PRR16: variants seen among roughly 807,000 people sequenced by gnomAD.
PRR16 encodes the protein protein Largen.
A neutral mutation model predicts 18.2 loss-of-function variants in PRR16; 6 were observed. The ratio of observed to expected loss-of-function variants is 0.33; its 90% CI spans 0.18 to 0.65. The LOEUF (loss-of-function observed/expected upper bound fraction) is 0.65, where lower values mean the gene tolerates loss of function less well. Among genes scored for constraint, PRR16 ranks in the 30% least tolerant of loss-of-function variants. The pLI is 0.74. For synonymous variants in PRR16, 151 were observed against 147.8 expected, an observed-to-expected ratio of 1.02 and a Z score of -0.16; for missense variants, 412 against 376.6, an observed-to-expected ratio of 1.09 and a Z score of -0.78.
intron 1 of PRR16, among the ~76,000 whole-genome samples, chr5:120,617,422 G>A (rs1243942445): frequency 6.6e-6 from 1 of 152,094 alleles, no homozygotes; most frequent in Admixed American, 6.6e-5. Context: ...TTCAGTCTGT[G>A]TTTTATGTTT....
rs993492518 is a variant in PRR16, at chr5:120,674,945, AC to A, written c.160-11008del. On this transcript the variant is annotated intron_variant, in intron 1 of 1. Transcript: ENST00000407149. ...ATTTTTTTATTTTATTGCTTTTTTT[AC>A]GTATGTGTTATTATTTTATAACTGC... Among the ~76,000 whole-genome samples, 5 of 151,632 alleles carry A rather than the reference AC, an allele frequency of 3.3e-5. No individual in the cohort carries two copies. The East Asian group carries it at 5.8e-4, about 18-fold the overall frequency.
intron 1 of PRR16, among the ~76,000 whole-genome samples, chr5:120,518,143 A>C (rs1443448885): frequency 6.6e-6 from 1 of 152,156 alleles, no homozygotes. Context: ...ATCTAGAAAG[A>C]GAGTGACAGT....
chr5:120,506,647 C>G (rs942715643), intron 1 of PRR16, among the ~76,000 whole-genome samples: 1 of 152,094 alleles, frequency 6.6e-6, no homozygotes, highest in Non-Finnish European at 1.5e-5. Context: ...AACAGGTCCA[C>G]AGTGTTATCA....
At chr5:120,794,013 G>C in the PRR16 span, among the ~76,000 whole-genome samples, 1 of 152,116 alleles carries the variant, frequency 6.6e-6, no homozygotes, top group Non-Finnish European at 1.5e-5. Flanking sequence ...CTTGTTAATA[G>C]AATGTGGTTA....
the PRR16 span, chr5:120,781,287 T>G: frequency 2.0e-5 from 3 of 151,948 alleles, no homozygotes; most frequent in Non-Finnish European, 4.4e-5. Context: ...AACATACAAA[T>G]TTTTAAAATA....
intron 1 of PRR16, among the ~76,000 whole-genome samples, chr5:120,605,536 G>C (rs1754125881): frequency 6.6e-6 from 1 of 152,048 alleles, no homozygotes; most frequent in African/African-American, 2.4e-5. Flanking sequence ...ATTTCCATCT[G>C]GTTAAGAATC....
chr5:120,685,964 A>G lies in PRR16; in HGVS notation c.170A>G (p.Gln57Arg). The change falls in exon 2 of 2, where the codon CAG (glutamine) becomes CGG (arginine). Residue 57 changes from glutamine to arginine, a missense_variant. Physicochemically the swap from Gln to Arg is conservative, Grantham distance 43 (BLOSUM62 1). Transcript: ENST00000407149. ...VAKELKEVVD[Q>R]IDTLTSDLQL... ...TGTCCTTTCCACTAGGTGGTTGACCAGATTGACACCCTGACCTCTGACCTA... is the reference window on the plus strand; with the variant it reads ...TGTCCTTTCCACTAGGTGGTTGACCGGATTGACACCCTGACCTCTGACCTA... 1 of 1,612,636 alleles carries G rather than the reference A, an allele frequency of 6.2e-7. No individual in the cohort carries two copies. Among genetic ancestry groups the G allele is most frequent in the South Asian group, 1.1e-5 (1 of 90,982 alleles).
chr5:120,727,823 TTAC>T, the PRR16 span, among the ~76,000 whole-genome samples: 2 of 152,014 alleles, frequency 1.3e-5, no homozygotes, highest in Non-Finnish European at 2.9e-5. Context: ...ATAAGAAAGT[TTAC>T]TAGTAGAGCT....
the PRR16 span, among the ~76,000 whole-genome samples, chr5:120,758,937 A>G: frequency 1.4e-5 from 2 of 145,114 alleles, no homozygotes; most frequent in Non-Finnish European, 3.0e-5. Flanking sequence ...AATTGCAGTT[A>G]TTGAAGAGTT....
rs1754410930 is a variant in PRR16 at position 120,613,734 on chromosome 5, A to T, written c.160-72220A>T. On this transcript the variant is annotated intron_variant, in intron 1 of 1. Coordinates refer to ENST00000407149, the MANE Select transcript of PRR16 (RefSeq NM_001300783.2). The stretch of plus-strand genomic sequence containing the variant: ...TTTAAGGCACTAACACATCGTTTAG[A>T]TGATGGCCACTAATAATGAGACTGA... 3.3e-5 allele frequency among the ~76,000 whole-genome samples: 5 copies of T among 152,290 alleles called. 1 individual carries two copies. The South Asian group carries it at 1.0e-3, about 32-fold the overall frequency.
intron 1 of PRR16, among the ~76,000 whole-genome samples, chr5:120,528,759 G>C (rs1751452469): frequency 6.6e-6 from 1 of 152,174 alleles, no homozygotes; most frequent in South Asian, 2.1e-4. Flanking sequence ...GAGGCAGGCT[G>C]AGGCAGCTGT....
intron 1 of PRR16, among the ~76,000 whole-genome samples, chr5:120,639,292 C>G (rs1489096404): frequency 6.6e-6 from 1 of 151,866 alleles, no homozygotes; most frequent in Non-Finnish European, 1.5e-5. Flanking sequence ...AAATTATAGT[C>G]AACTTTAAGA....
In PRR16 at chr5:120,584,624, G is replaced by A. The variant is rs150891079; in HGVS notation, c.160-101330G>A. Among the ~76,000 whole-genome samples the A allele has an allele frequency of 8.7e-4, 133 of 152,276 alleles. No homozygotes were observed. The East Asian group carries it at 0.024, about 28-fold the overall frequency. On this transcript the variant is annotated intron_variant, in intron 1 of 1. Coordinates refer to ENST00000407149, the MANE Select transcript of PRR16 (RefSeq NM_001300783.2). ...TCATTTTTTTAGATAGGCACAGAGA[G>A]TAGATTATCTGCATTTTATAATGGA...
At chr5:120,613,812 C>G (rs968191676) in intron 1 of PRR16, among the ~76,000 whole-genome samples, 52 of 152,242 alleles carry the variant, frequency 3.4e-4, no homozygotes, top group African/African-American at 1.2e-3. Context: ...TTTAAGAAAT[C>G]TGGACTGAGA....
the PRR16 span, among the ~76,000 whole-genome samples, chr5:120,787,249 CAA>C: frequency 8.6e-5 from 13 of 151,834 alleles, no homozygotes; most frequent in East Asian, 2.5e-3. Context: ...TTATAACTAA[CAA>C]TAATGGAAGT....
intron 1 of PRR16, among the ~76,000 whole-genome samples, chr5:120,664,450 G>GT (rs1160038905): frequency 1.8e-3 from 56 of 31,200 alleles, no homozygotes; most frequent in East Asian, 9.8e-3. Flanking sequence ...GAGAAAAAAT[G>GT]TTTTTGTTTT....
intron 1 of PRR16, among the ~76,000 whole-genome samples, chr5:120,639,568 A>C (rs1755353809): frequency 6.6e-6 from 1 of 151,990 alleles, no homozygotes; most frequent in South Asian, 2.1e-4. Flanking sequence ...GCATCTATGG[A>C]GAAATGCAGA....
intron 1 of PRR16, among the ~76,000 whole-genome samples, chr5:120,629,260 C>T (rs1022179422): frequency 6.6e-6 from 1 of 151,534 alleles, no homozygotes; most frequent in South Asian, 2.1e-4. Flanking sequence ...GTATATATAC[C>T]ACATTTATTT....
intron 1 of PRR16, among the ~76,000 whole-genome samples, chr5:120,554,366 A>G (rs940340238): frequency 2.0e-5 from 3 of 151,988 alleles, no homozygotes; most frequent in African/African-American, 7.2e-5. Flanking sequence ...CTAAACTAAT[A>G]TTTTAAAAAT....
Sources: gnomAD v4.1 joint callset for allele counts (sites outside exome capture counted in the v4.1 genomes callset) on GRCh38, gnomAD v4.1.1 for gene constraint, MANE v1.5 for transcripts, NCBI Gene and HGNC (gene_info 2026-07-23, HGNC 2026-07-21) for gene names.